Variants in GNA14 observed in about 807,000 individuals in gnomAD.
GNA14 encodes the protein guanine nucleotide-binding protein subunit alpha-14.
Under a neutral mutation model 42.0 loss-of-function variants are expected in GNA14, and 50 were observed. The ratio of observed to expected loss-of-function variants is 1.19; its 90% CI spans 0.95 to 1.51. The LOEUF is 1.51. Among genes scored for constraint, GNA14 ranks in the 40% most tolerant of loss-of-function variants. The pLI is 0.00. For missense variants in GNA14, 473 were observed against 446.2 expected (o/e 1.06, Z -0.54); for synonymous variants, 173 against 163.1 (o/e 1.06, Z -0.46).
chr9:77,598,487 G>T (rs1024992722), intron 1 of GNA14, among the ~76,000 whole-genome samples: 1 of 152,078 alleles, frequency 6.6e-6, no homozygotes, highest in Non-Finnish European at 1.5e-5. Flanking sequence ...AGCAGGTTTG[G>T]GGTACTCCTT....
intron 2 of GNA14, among the ~76,000 whole-genome samples, chr9:77,486,571 C>A (rs1451101060): frequency 6.6e-6 from 1 of 152,204 alleles, no homozygotes; most frequent in Non-Finnish European, 1.5e-5. Context: ...TTTTACATGC[C>A]TTCCTCACTA....
intron 1 of GNA14, among the ~76,000 whole-genome samples, chr9:77,634,812 T>C (rs184562037): frequency 4.6e-5 from 7 of 152,294 alleles, no homozygotes; most frequent in Admixed American, 1.3e-4. Flanking sequence ...GAGAGACATA[T>C]CTTCATTCAA....
chr9:77,491,539 A>T (rs1836775387), intron 2 of GNA14, among the ~76,000 whole-genome samples: 1 of 152,248 alleles, frequency 6.6e-6, no homozygotes, highest in Non-Finnish European at 1.5e-5. Context: ...ATAGACTACA[A>T]ATCAAAGACT....
At chr9:77,433,364 A>ATAT (rs1835588813) in intron 3 of GNA14, among the ~76,000 whole-genome samples, 1 of 151,616 alleles carries the variant, frequency 6.6e-6, no homozygotes, top group Non-Finnish European at 1.5e-5. Context: ...TTGCCCCGGG[A>ATAT]TATTATTATT....
chr9:77,589,226 T>G (rs1823350896), intron 1 of GNA14, among the ~76,000 whole-genome samples: 1 of 152,194 alleles, frequency 6.6e-6, no homozygotes, highest in Non-Finnish European at 1.5e-5. Flanking sequence ...AAATGCTCAC[T>G]TGCAGGGTCA....
At chr9:77,438,417 G>C (rs147773226) in intron 2 of GNA14, among the ~76,000 whole-genome samples, 1 of 151,844 alleles carries the variant, frequency 6.6e-6, no homozygotes, top group African/African-American at 2.4e-5. Context: ...ACAGGCACCC[G>C]CCACCACCCC....
intron 2 of GNA14, among the ~76,000 whole-genome samples, chr9:77,515,972 A>AAAAAAAAAAAAAAAAAAAAAAAAC (rs1837250915): frequency 6.8e-6 from 1 of 146,700 alleles, no homozygotes; most frequent in African/African-American, 2.5e-5. Context: ...AAAAAAAAAA[A>AAAAAAAAAAAAAAAAAAAAAAAAC]AAAAAAAAAA....
chr9:77,639,941 G>A (rs372870470), intron 1 of GNA14, among the ~76,000 whole-genome samples: 5 of 152,140 alleles, frequency 3.3e-5, no homozygotes, highest in African/African-American at 1.2e-4. Context: ...TTGGATTTCC[G>A]CTAGTATATT....
intron 5 of GNA14, among the ~76,000 whole-genome samples, chr9:77,426,779 TG>T (rs1376059987): frequency 6.6e-6 from 1 of 152,212 alleles, no homozygotes; most frequent in African/African-American, 2.4e-5. Flanking sequence ...TGACAATAAT[TG>T]TTCTAGATAG....
intron 1 of GNA14, among the ~76,000 whole-genome samples, chr9:77,573,693 G>A (rs551692656): frequency 6.6e-6 from 1 of 152,164 alleles, no homozygotes; most frequent in Non-Finnish European, 1.5e-5. Flanking sequence ...CTAGACAAGG[G>A]TCAAGAATCA....
chr9:77,641,238 G>A (rs904614073), intron 1 of GNA14, among the ~76,000 whole-genome samples: 2 of 151,450 alleles, frequency 1.3e-5, no homozygotes, highest in African/African-American at 4.9e-5. Flanking sequence ...GGAGAGTGCT[G>A]GAGTTGGAAA....
intron 1 of GNA14, among the ~76,000 whole-genome samples, chr9:77,644,481 T>C (rs76817102): frequency 0.015 from 1,965 of 135,432 alleles, 34 homozygotes; most frequent in African/African-American, 0.053. Flanking sequence ...GGAATGTGCA[T>C]GCCCAGAAGA....
chr9:77,438,049 G>T (rs370942255), intron 2 of GNA14, among the ~76,000 whole-genome samples: 22 of 152,116 alleles, frequency 1.4e-4, no homozygotes, highest in Non-Finnish European at 1.6e-4. Context: ...ATATAGATAT[G>T]ACCTCTCAGG....
chr9:77,546,459 T>A (rs533030125), intron 1 of GNA14, among the ~76,000 whole-genome samples: 3 of 152,124 alleles, frequency 2.0e-5, no homozygotes, highest in African/African-American at 7.2e-5. Context: ...AAGAGAAAAA[T>A]TTCTTTTCTG....
At chr9:77,604,772 G>C (rs1020906535) in intron 1 of GNA14, among the ~76,000 whole-genome samples, 2 of 152,190 alleles carry the variant, frequency 1.3e-5, no homozygotes, top group Admixed American at 6.5e-5. Context: ...CTATGGGGTT[G>C]TTGCAAGGAC....
At chr9:77,632,443 G>A (rs1054942585) in intron 1 of GNA14, among the ~76,000 whole-genome samples, 4 of 152,162 alleles carry the variant, frequency 2.6e-5, no homozygotes, top group African/African-American at 4.8e-5. Flanking sequence ...TGGACCAATC[G>A]GTGCACACTT....
At chr9:77,492,259 C>T (rs1836787806) in intron 2 of GNA14, among the ~76,000 whole-genome samples, 1 of 151,376 alleles carries the variant, frequency 6.6e-6, no homozygotes, top group Non-Finnish European at 1.5e-5. Context: ...AACAGAAAAG[C>T]CAAACCCAAA....
chr9:77,501,647 G>A (rs1201921844), intron 2 of GNA14, among the ~76,000 whole-genome samples: 1 of 150,264 alleles, frequency 6.7e-6, no homozygotes, highest in African/African-American at 2.5e-5. Context: ...TTTGTAGCTT[G>A]TCTTTCCGTC....
At chr9:77,594,771 G>A (rs1020489124) in intron 1 of GNA14, among the ~76,000 whole-genome samples, 1 of 152,116 alleles carries the variant, frequency 6.6e-6, no homozygotes, top group African/African-American at 2.4e-5. Context: ...ACTTGGCCTT[G>A]GCCCTACCAG....
Sources: gnomAD v4.1 joint callset for allele counts (sites outside exome capture counted in the v4.1 genomes callset) on GRCh38, gnomAD v4.1.1 for gene constraint, MANE v1.5 for transcripts, NCBI Gene and HGNC (gene_info 2026-07-23, HGNC 2026-07-21) for gene names.